MCCC2: variants seen among roughly 807,000 people sequenced by gnomAD.
MCCC2 encodes methylcrotonoyl-CoA carboxylase beta chain, mitochondrial.
MCCC2 carries 52 observed loss-of-function variants against 77.2 expected under a neutral mutation model. The ratio of observed to expected loss-of-function variants is 0.67; its 90% CI spans 0.54 to 0.85. The LOEUF (loss-of-function observed/expected upper bound fraction) is 0.85, where lower values mean the gene tolerates loss of function less well. Ranked by LOEUF, MCCC2 falls within the 40% of genes least tolerant of loss-of-function variation. MCCC2 has a pLI of 0.00. For synonymous variants in MCCC2, 253 were observed against 248.4 expected (o/e 1.02, Z -0.18); for missense variants, 682 against 703.2 (o/e 0.97, Z 0.34).
intron 5 of MCCC2, 110 bp downstream of exon 5, chr5:71,602,743 T>C (rs1332405963): frequency 6.7e-7 from 1 of 1,481,506 alleles, no homozygotes; most frequent in Non-Finnish European, 9.3e-7. Flanking sequence ...ACCTGTTGAT[T>C]TCTCCTGTAA....
chr5:71,652,777 C>T (rs1024317179), intron 16 of MCCC2, 23 bp downstream of exon 16: 1 of 1,600,372 alleles, frequency 6.2e-7, no homozygotes, highest in East Asian at 2.2e-5. Flanking sequence ...ACATCACTAA[C>T]TCTCTGATGG....
At chr5:71,631,996 A>G (rs1561840724) in intron 7 of MCCC2, 125 bp from the exon 8 acceptor site, 2 of 850,468 alleles carry the variant, frequency 2.4e-6, no homozygotes, top group Non-Finnish European at 4.1e-6. Context: ...GAGAAAGCAC[A>G]GTGTTCTTTA....
intron 2 of MCCC2, 72 bp from the exon 3 acceptor site, chr5:71,596,208 A>T (rs1580273164): frequency 8.8e-7 from 1 of 1,131,212 alleles, no homozygotes; most frequent in Non-Finnish European, 1.3e-6. Context: ...TGGATTAAGT[A>T]TTATGTTTTT....
intron 6 of MCCC2, among the ~76,000 whole-genome samples, chr5:71,608,692 C>T (rs896401366): frequency 1.3e-5 from 2 of 152,126 alleles, no homozygotes; most frequent in Non-Finnish European, 2.9e-5. Flanking sequence ...TACATTTTGG[C>T]TTGATTTTTG....
At chr5:71,616,830 T>C (rs1433268425) in intron 6 of MCCC2, among the ~76,000 whole-genome samples, 2 of 152,166 alleles carry the variant, frequency 1.3e-5, no homozygotes, top group Non-Finnish European at 2.9e-5. Context: ...GCCTAATATA[T>C]TGATGAGTCC....
At chr5:71,626,580 C>A in intron 6 of MCCC2, 60 bp from the exon 7 acceptor site, 1 of 1,335,756 alleles carries the variant, frequency 7.5e-7, no homozygotes, top group East Asian at 2.3e-5. Context: ...CTGGATCAAA[C>A]ACTATAGAAG....
intron 6 of MCCC2, among the ~76,000 whole-genome samples, chr5:71,623,484 A>G (rs1348138766): frequency 6.6e-6 from 1 of 152,136 alleles, no homozygotes; most frequent in East Asian, 1.9e-4. Context: ...AGCTCACACC[A>G]TGTCACGTGA....
intron 10 of MCCC2, 86 bp from the exon 11 acceptor site, chr5:71,640,917 T>C: frequency 8.5e-7 from 1 of 1,171,768 alleles, no homozygotes; most frequent in Admixed American, 1.7e-5. Context: ...ACAACTTCAC[T>C]GTGAATTGTT....
intron 8 of MCCC2, among the ~76,000 whole-genome samples, chr5:71,632,587 G>A (rs1390870728): frequency 1.3e-5 from 2 of 152,206 alleles, no homozygotes; most frequent in Non-Finnish European, 2.9e-5. Context: ...GGCTTACAAA[G>A]GAGAAGAGGG....
rs111479208 is a variant in MCCC2 at position 71,621,477 on chromosome 5, G to A, written c.625-5163G>A. Among the ~76,000 whole-genome samples the A allele has an allele frequency of 8.7e-3, 1,330 of 152,216 alleles. 24 individuals are homozygous for A. Among genetic ancestry groups the A allele is most frequent in the African/African-American group, 0.03 (1,236 of 41,512 alleles). On this transcript the variant is annotated intron_variant, in intron 6 of 16. Coordinates refer to ENST00000340941, the MANE Select transcript of MCCC2 (RefSeq NM_022132.5). ...TGGGCGTGGTGGTGCACCTGTAGTC[G>A]CAGCTACTCAGAAGGCTGAGGTGGG...
intron 4 of MCCC2, among the ~76,000 whole-genome samples, chr5:71,601,427 T>C (rs1044821323): frequency 6.6e-6 from 1 of 152,204 alleles, no homozygotes; most frequent in Non-Finnish European, 1.5e-5. Context: ...CTACATTTCC[T>C]TTGAAGTCTA....
intron 8 of MCCC2, among the ~76,000 whole-genome samples, chr5:71,634,312 T>C (rs988942747): frequency 6.6e-6 from 1 of 152,228 alleles, no homozygotes; most frequent in African/African-American, 2.4e-5. Context: ...GGAACTTCCA[T>C]GGCCCCTGCC....
Position 71,652,663 on chromosome 5 carries a change from CT to C in MCCC2, c.1489-3del. ...GCTGACTTACTCATGGCCTCTTTTC[CT>C]TTAGTTCTCCAGTGCTGATGAAGCG... On this transcript the variant is annotated splice_region_variant and splice_polypyrimidine_tract_variant and intron_variant, in intron 15 of 16. Coordinates refer to ENST00000340941, the MANE Select transcript of MCCC2 (RefSeq NM_022132.5). 1 of 1,613,920 alleles carries C rather than the reference CT, an allele frequency of 6.2e-7. No homozygotes were observed. The highest frequency in any genetic ancestry group is 8.5e-7 in the Non-Finnish European group (1 of 1,179,860).
rs150952443 is a variant in MCCC2, at chr5:71,602,839, A to G, written c.511+206A>G. ...CATAGTACTAGTGCATAATACTCAT[A>G]CATTTTGACGCATGCCAGTTTTTTT... is the stretch of plus-strand genomic sequence containing the variant. On this transcript the variant is annotated intron_variant, in intron 5 of 16. Transcript: ENST00000340941. 6.4e-4 allele frequency: 431 copies of G among 669,586 alleles called. 1 individual carries two copies. In the African/African-American group the frequency reaches 6.8e-3, roughly 11 times the overall value. 41.5% of individuals were successfully genotyped at this position (669,586 alleles called of 1,614,324 possible). A position where few individuals can be genotyped will look rare whatever the true frequency, so the allele number is the denominator to read the frequency against.
chr5:71,615,184 G>T (rs978984910), intron 6 of MCCC2, among the ~76,000 whole-genome samples: 1 of 152,110 alleles, frequency 6.6e-6, no homozygotes, highest in Non-Finnish European at 1.5e-5. Flanking sequence ...GGCCAGGCTG[G>T]CCTTGAACTC....
At chr5:71,614,186 T>C (rs1038347247) in intron 6 of MCCC2, among the ~76,000 whole-genome samples, 2 of 152,106 alleles carry the variant, frequency 1.3e-5, no homozygotes, top group African/African-American at 2.4e-5. Flanking sequence ...CCATAGTATC[T>C]GTTCTGAGCC....
At chr5:71,601,083 A>G (rs1745410999) in intron 4 of MCCC2, among the ~76,000 whole-genome samples, 4 of 152,156 alleles carry the variant, frequency 2.6e-5, no homozygotes, top group Admixed American at 6.6e-5. Context: ...TTTCTGAAAG[A>G]AGGTTTAGTT....
chr5:71,602,592 A>G lies in MCCC2; in HGVS notation c.470A>G (p.Gln157Arg), dbSNP rs745765260. 1 of 1,614,202 alleles carries G rather than the reference A, an allele frequency of 6.2e-7. No individual in the cohort carries two copies. The highest frequency in any genetic ancestry group is 1.1e-5 in the South Asian group (1 of 91,088). ...ACTGTGAAAAAACAATTACGGGCCC[A>G]AGAAATTGCCATGCAAAACAGGCTC... is the stretch of plus-strand genomic sequence containing the variant. Reference protein sequence around the residue: ...PVTVKKQLRAQEIAMQNRLPC... With the variant: ...PVTVKKQLRAREIAMQNRLPC... The change falls in exon 5 of 17, where the codon CAA (glutamine) becomes CGA (arginine). Residue 157 changes from glutamine to arginine, a missense_variant. Physicochemically the swap from Gln to Arg is conservative, Grantham distance 43 (BLOSUM62 1). Coordinates refer to ENST00000340941, the MANE Select transcript of MCCC2 (RefSeq NM_022132.5).
chr5:71,587,910 T>G (rs1264293722), intron 1 of MCCC2, among the ~76,000 whole-genome samples: 1 of 152,124 alleles, frequency 6.6e-6, no homozygotes, highest in Non-Finnish European at 1.5e-5. Flanking sequence ...GCAGCCAGCT[T>G]TGGGAACCAC....
Sources: gnomAD v4.1 joint callset for allele counts (sites outside exome capture counted in the v4.1 genomes callset) on GRCh38, gnomAD v4.1.1 for gene constraint, MANE v1.5 for transcripts, NCBI Gene and HGNC (gene_info 2026-07-23, HGNC 2026-07-21) for gene names.